The following CPA3 variants were observed in gnomAD, a reference collection of about 807,000 sequenced individuals.
The protein encoded by CPA3 is carboxypeptidase A3.
CPA3 carries 52 observed loss-of-function variants against 55.8 expected under a neutral mutation model. That is an observed-to-expected ratio of 0.93 (90% CI 0.75 to 1.17). The LOEUF (loss-of-function observed/expected upper bound fraction) is 1.17. Ranked by LOEUF, CPA3 falls within the 50% of genes most tolerant of loss-of-function variation. CPA3 has a pLI of 0.00. For missense variants in CPA3, 547 were observed against 509.1 expected, an observed-to-expected ratio of 1.07 and a Z score of -0.72; for synonymous variants, 179 against 171.2, an observed-to-expected ratio of 1.05 and a Z score of -0.36.
intron 3 of CPA3, among the ~76,000 whole-genome samples, chr3:148,875,950 G>A (rs1321630929): frequency 6.6e-6 from 1 of 151,972 alleles, no homozygotes; most frequent in African/African-American, 2.4e-5. Context: ...ATTTATCATA[G>A]TTCAGAGAGT....
At position 148,896,688 on chromosome 3, in the gene CPA3, T is replaced by A; in HGVS notation, c.1235T>A (p.Ile412Asn). Reference sequence around the variant, plus strand: ...GCTGTCAAATTTATTGCCAAGTATATCCTCAAGCATACTTCCTAAAGAACT... The same window carrying A: ...GCTGTCAAATTTATTGCCAAGTATAACCTCAAGCATACTTCCTAAAGAACT... ...MLAVKFIAKY[I>N]LKHTS Residue 412 changes from isoleucine (I) to asparagine (N), a missense_variant, in exon 11 of 11, where the codon ATC becomes AAC. Transcript: ENST00000296046. The A allele has an allele frequency of 6.5e-7, 1 of 1,535,980 alleles. No individual in the cohort carries two copies. Among genetic ancestry groups the A allele is most frequent in the Non-Finnish European group, 8.9e-7 (1 of 1,123,062 alleles).
chr3:148,879,993 G>A, intron 6 of CPA3, 104 bp downstream of exon 6: 1 of 749,296 alleles, frequency 1.3e-6, no homozygotes. Flanking sequence ...TTAGCTAGAA[G>A]AGCCCATACT....
intron 9 of CPA3, among the ~76,000 whole-genome samples, chr3:148,884,084 C>T (rs1384797089): frequency 6.6e-6 from 1 of 151,968 alleles, no homozygotes; most frequent in Admixed American, 6.6e-5. Context: ...AAGTCTATTA[C>T]AACACAGCTC....
At chr3:148,889,869 CAA>C (rs10693111) in intron 10 of CPA3, among the ~76,000 whole-genome samples, 2 of 110,236 alleles carry the variant, frequency 1.8e-5, no homozygotes, top group Admixed American at 1.0e-4. Flanking sequence ...AACTCCATCT[CAA>C]AAAAAAAAAA....
At chr3:148,890,572 A>G (rs80304678) in intron 10 of CPA3, among the ~76,000 whole-genome samples, 6,737 of 152,286 alleles carry the variant, frequency 0.044, 205 homozygotes, top group Non-Finnish European at 0.066. Flanking sequence ...AGACATTCAA[A>G]CTGATATTAC....
intron 10 of CPA3, among the ~76,000 whole-genome samples, chr3:148,892,861 AG>A (rs1423442291): frequency 1.0e-4 from 4 of 39,784 alleles, no homozygotes; most frequent in Admixed American, 5.5e-4. Flanking sequence ...GCCTGTAGAG[AG>A]GAGAAGCACT....
chr3:148,878,610 T>A, intron 4 of CPA3, 37 bp from the exon 5 acceptor site: 1 of 1,575,086 alleles, frequency 6.3e-7, no homozygotes, highest in Non-Finnish European at 8.7e-7. Flanking sequence ...TTTGTTTTCT[T>A]TTATTCTAAT....
At chr3:148,879,397 A>G (rs1714299290) in intron 5 of CPA3, among the ~76,000 whole-genome samples, 1 of 152,170 alleles carries the variant, frequency 6.6e-6, no homozygotes, top group Non-Finnish European at 1.5e-5. Flanking sequence ...GATCTTCTCC[A>G]TTCCAGGGTA....
chr3:148,878,736 A>G lies in CPA3; in HGVS notation c.462A>G (p.Leu154=), dbSNP rs746826544. The G allele has an allele frequency of 6.3e-7, 1 of 1,579,358 alleles. No homozygotes were observed. Among genetic ancestry groups the G allele is most frequent in the Non-Finnish European group, 8.7e-7 (1 of 1,152,544 alleles). The stretch of plus-strand genomic sequence containing the variant: ...GATCTACTGTTGAAGATAATCCACT[A>G]TATGTTCTGAAGGTAAAAATAACTC... ...KIGSTVEDNP[L]YVLKIGEKNE... Residue 154 remains leucine (L), a synonymous_variant, in exon 5 of 11, where the codon CTA becomes CTG. Coordinates refer to ENST00000296046, the MANE Select transcript of CPA3 (RefSeq NM_001870.4).
chr3:148,879,394 T>A (rs1164570817), intron 5 of CPA3, among the ~76,000 whole-genome samples: 2 of 152,026 alleles, frequency 1.3e-5, no homozygotes, highest in African/African-American at 4.8e-5. Flanking sequence ...CAAGATCTTC[T>A]CCATTCCAGG....
chr3:148,870,134 C>G (rs1465828857), intron 3 of CPA3: 1 of 146,182 alleles, frequency 6.8e-6, no homozygotes, highest in African/African-American at 2.5e-5. Context: ...TGTTTTTATA[C>G]TTTCAAACAT....
rs986539281 is a variant in CPA3 at position 148,887,350 on chromosome 3, T to C, written c.1066+1173T>C. 2.6e-5 allele frequency among the ~76,000 whole-genome samples: 4 copies of C among 152,296 alleles called. 1 individual carries two copies. Among genetic ancestry groups the C allele is most frequent in the Admixed American group, 2.6e-4 (4 of 15,292 alleles). ...AATATCTGCAAATTTTTATGGAGTC[T>C]TTACAAGTTAGGCACTGTGCTTACC... On this transcript the variant is annotated intron_variant, in intron 10 of 10. Coordinates refer to ENST00000296046, the MANE Select transcript of CPA3 (RefSeq NM_001870.4).
At chr3:148,890,234 T>C (rs1467914257) in intron 10 of CPA3, among the ~76,000 whole-genome samples, 1 of 152,230 alleles carries the variant, frequency 6.6e-6, no homozygotes, top group Non-Finnish European at 1.5e-5. Flanking sequence ...TGATTATATT[T>C]GCATATAAAC....
In CPA3 at chr3:148,881,512, C is replaced by T. The variant is rs751119530; in HGVS notation, c.577-10C>T. The T allele has an allele frequency of 1.9e-6, 3 of 1,584,402 alleles. No homozygotes were observed. Among genetic ancestry groups the T allele is most frequent in the South Asian group, 1.1e-5 (1 of 89,714 alleles). On this transcript the variant is annotated splice_polypyrimidine_tract_variant and intron_variant, in intron 6 of 10. Transcript: ENST00000296046. The stretch of plus-strand genomic sequence containing the variant: ...ATACCAATAGCTTAATTTTTTTTCA[C>T]CTCCGACAGGCAACCAAAACTTATG...
chr3:148,877,648 T>C (rs1434157138), intron 3 of CPA3, among the ~76,000 whole-genome samples: 2 of 152,224 alleles, frequency 1.3e-5, no homozygotes, highest in Non-Finnish European at 2.9e-5. Context: ...TCCATCACTA[T>C]AGGCACGTTG....
At position 148,883,693 on chromosome 3, in the gene CPA3, A is replaced by T; in HGVS notation, c.859A>T (p.Thr287Ser). 1 of 1,614,120 alleles carries T rather than the reference A, an allele frequency of 6.2e-7. No individual in the cohort carries two copies. The highest frequency in any genetic ancestry group is 8.5e-7 in the Non-Finnish European group (1 of 1,179,970). ...PESEKETKAV[T>S]NFIRSHLNEI... ...GTCCGAGAAAGAGACGAAAGCTGTCACTAATTTCATTAGAAGCCACCTGAA... is the reference window on the plus strand; with the variant it reads ...GTCCGAGAAAGAGACGAAAGCTGTCTCTAATTTCATTAGAAGCCACCTGAA... The change falls in exon 9 of 11, where the codon ACT (threonine) becomes TCT (serine). Residue 287 changes from threonine (T) to serine (S), a missense_variant. Coordinates refer to ENST00000296046, the MANE Select transcript of CPA3 (RefSeq NM_001870.4).
Position 148,881,599 on chromosome 3 carries a change from C to T in CPA3, c.654C>T (p.Phe218=). ...TGAATTTTTACATTCTTCCTGTGTT[C>T]AATGTTGATGGATATATTTGGTCAT... ...DRMNFYILPV[F]NVDGYIWSWT... The change falls in exon 7 of 11, where the codon TTC becomes TTT. Residue 218 remains phenylalanine, a synonymous_variant. Transcript: ENST00000296046. 1.2e-6 allele frequency: 2 copies of T among 1,612,188 alleles called. No homozygotes were observed. Among genetic ancestry groups the T allele is most frequent in the Non-Finnish European group, 1.7e-6 (2 of 1,178,822 alleles).
Position 148,896,506 on chromosome 3 carries a change from CT to C in CPA3, c.1067-12del. The C allele has an allele frequency of 6.6e-7, 1 of 1,504,602 alleles. No individual in the cohort carries two copies. Among genetic ancestry groups the C allele is most frequent in the Non-Finnish European group, 9.0e-7 (1 of 1,112,014 alleles). 93.2% of individuals were successfully genotyped at this position (1,504,602 alleles called of 1,614,324 possible). A position where few individuals can be genotyped will look rare whatever the true frequency, so the allele number is the denominator to read the frequency against. On this transcript the variant is annotated splice_polypyrimidine_tract_variant and intron_variant, in intron 10 of 10. Coordinates refer to ENST00000296046, the MANE Select transcript of CPA3 (RefSeq NM_001870.4). The stretch of plus-strand genomic sequence containing the variant: ...TTTGTCTCTAATTAAATATTTACTG[CT>C]TGTGTTTTACAGACCCGATATCAGG...
chr3:148,881,226 C>T (rs1714354258), intron 6 of CPA3, among the ~76,000 whole-genome samples: 1 of 152,146 alleles, frequency 6.6e-6, no homozygotes, highest in African/African-American at 2.4e-5. Flanking sequence ...TTCCATTTGG[C>T]TTCCAATCTT....
Sources: allele counts gnomAD v4.1 joint callset (sites outside exome capture counted in the v4.1 genomes callset), GRCh38; gene constraint gnomAD v4.1.1; transcripts MANE v1.5; gene names NCBI Gene and HGNC (gene_info 2026-07-23, HGNC 2026-07-21).